The following PPP1R3A variants were observed in gnomAD, a reference collection of about 807,000 sequenced individuals.
PPP1R3A encodes protein phosphatase 1 regulatory subunit 3A.
A neutral mutation model predicts 41.7 loss-of-function variants in PPP1R3A; 29 were observed. The ratio of observed to expected loss-of-function variants is 0.70; its 90% confidence interval spans 0.52 to 0.95. The LOEUF is 0.95. Ranked by LOEUF, PPP1R3A falls within the 40% of genes least tolerant of loss-of-function variation. The pLI, the probability that PPP1R3A is intolerant of heterozygous loss-of-function variation, is 0.00. For missense variants in PPP1R3A, 1,352 were observed against 1,292.4 expected (o/e 1.05, Z -0.71); for synonymous variants, 485 against 453.4 (o/e 1.07, Z -0.89).
rs1796638171 is a variant in PPP1R3A, at chr7:113,879,321, A to G, written c.1771T>C (p.Trp591Arg). 6.2e-7 allele frequency: 1 copy of G among 1,613,442 alleles called. No homozygotes were observed. Among genetic ancestry groups the G allele is most frequent in the Non-Finnish European group, 8.5e-7 (1 of 1,179,710 alleles). Reference sequence around the variant, plus strand: ...TCTGGGGTTAACACAGCTTCTTCCCAACTTAAATTTGTCCTTGGTGAATGA... The same window carrying G: ...TCTGGGGTTAACACAGCTTCTTCCCGACTTAAATTTGTCCTTGGTGAATGA... ...VSHSPRTNLS[W>R]EEAVLTPEHH... Residue 591 changes from tryptophan to arginine, a missense_variant, in exon 4 of 4, where the codon TGG becomes CGG. Physicochemically the swap from Trp to Arg is moderately radical, Grantham distance 101. Transcript: ENST00000284601.
intron 1 of PPP1R3A, among the ~76,000 whole-genome samples, chr7:113,915,269 C>G (rs1797319539): frequency 6.6e-6 from 1 of 151,896 alleles, no homozygotes. Context: ...AAACATAATG[C>G]CTGGGTGGGT....
rs145831732 is a variant in PPP1R3A, at chr7:113,918,150, G to A, written c.782+65C>T. ...ATAGAGTCACTTTCTTACAACACATGAAATAAAGAATGACATAAAAACTTT... is the reference window on the plus strand; with the variant it reads ...ATAGAGTCACTTTCTTACAACACATAAAATAAAGAATGACATAAAAACTTT... On this transcript the variant is annotated intron_variant, in intron 1 of 3. Transcript: ENST00000284601. The A allele has an allele frequency of 4.6e-4, 655 of 1,427,124 alleles. 4 individuals carry two copies. In the Middle Eastern group the frequency reaches 5.9e-3, roughly 13 times the overall value. The allele number at this position is 1,427,124 out of a possible 1,614,324, so 88.4% of individuals were successfully genotyped here. A position where few individuals can be genotyped will look rare whatever the true frequency, so the allele number is the denominator to read the frequency against.
At position 113,880,074 on chromosome 7, in the gene PPP1R3A, T is replaced by G. The variant is rs1231193870; in HGVS notation, c.1018A>C (p.Asn340His). 9 of 1,608,970 alleles carry G rather than the reference T, an allele frequency of 5.6e-6. No individual in the cohort carries two copies. Among genetic ancestry groups the G allele is most frequent in the Admixed American group, 1.7e-5 (1 of 59,814 alleles). ...TRSTASRDER[N>H]TFSTDPVNFP... ...TTGACTGGATCTGTTGAAAATGTAT[T>G]CCTTTCATCTCTGGAAGCAGTACTT... Residue 340 changes from asparagine (N) to histidine (H), a missense_variant, in exon 4 of 4, where the codon AAT becomes CAT. Coordinates refer to ENST00000284601, the MANE Select transcript of PPP1R3A (RefSeq NM_002711.4).
intron 1 of PPP1R3A, among the ~76,000 whole-genome samples, chr7:113,898,096 GAGTAATGT>G (rs1448198109): frequency 3.9e-4 from 59 of 151,956 alleles, no homozygotes; most frequent in African/African-American, 1.4e-3. Flanking sequence ...TACCAATTCA[GAGTAATGT>G]TGGATAAAAT....
At chr7:113,904,357 T>C (rs1361976152) in intron 1 of PPP1R3A, among the ~76,000 whole-genome samples, 1 of 151,734 alleles carries the variant, frequency 6.6e-6, no homozygotes, top group Non-Finnish European at 1.5e-5. Flanking sequence ...CTGGCTCTGC[T>C]TACTACAATG....
intron 1 of PPP1R3A, among the ~76,000 whole-genome samples, chr7:113,897,769 T>C (rs184560027): frequency 6.6e-6 from 1 of 151,852 alleles, no homozygotes; most frequent in African/African-American, 2.4e-5. Context: ...AATCCTAAGA[T>C]GAAGTGAGAA....
Position 113,898,635 on chromosome 7 carries a change from C to G in PPP1R3A, c.783-16315G>C, listed in dbSNP as rs528787157. On this transcript the variant is annotated intron_variant, in intron 1 of 3. Transcript: ENST00000284601. The stretch of plus-strand genomic sequence containing the variant: ...CTGGCCTACACAAACTACAGCCTCT[C>G]AACACAAATAGTTTTGTCCTCCTCC... 1.8e-4 allele frequency among the ~76,000 whole-genome samples: 27 copies of G among 151,920 alleles called. No homozygotes were observed. In the East Asian group the frequency reaches 4.5e-3, roughly 25 times the overall value.
rs1796626478 is a variant in PPP1R3A at position 113,878,900 on chromosome 7, T to C, written c.2192A>G (p.Tyr731Cys). The change falls in exon 4 of 4, where the codon TAT becomes TGT. Residue 731 changes from tyrosine (Y) to cysteine (C), a missense_variant. Transcript: ENST00000284601. ...ACTTTCTGATGTTGTCTTAATTATA[T>C]AGGCTGTACCAGCTTCTGCTTTCTC... ...ITEKAEAGTA[Y>C]IIKTTSESTP... 2 of 1,613,004 alleles carry C rather than the reference T, an allele frequency of 1.2e-6. No homozygotes were observed. Among genetic ancestry groups the C allele is most frequent in the Non-Finnish European group, 1.7e-6 (2 of 1,179,762 alleles).
rs950112702 is a variant in PPP1R3A at position 113,877,015 on chromosome 7, C to A, written c.*708G>T. On this transcript the variant is annotated 3_prime_UTR_variant, in exon 4 of 4. Coordinates refer to ENST00000284601, the MANE Select transcript of PPP1R3A (RefSeq NM_002711.4). Reference sequence around the variant, plus strand: ...GAGAAAAGCATTGCTTAAAGACAGGCCACCCACAGAATTTTTCAGAATTGA... The same window carrying A: ...GAGAAAAGCATTGCTTAAAGACAGGACACCCACAGAATTTTTCAGAATTGA... 6.6e-6 allele frequency: 1 copy of A among 151,856 alleles called. No individual in the cohort carries two copies. Among genetic ancestry groups the A allele is most frequent in the Non-Finnish European group, 1.5e-5 (1 of 67,918 alleles). 9.4% of individuals were successfully genotyped at this position (151,856 alleles called of 1,614,324 possible). A position where few individuals can be genotyped will look rare whatever the true frequency, so the allele number is the denominator to read the frequency against.
chr7:113,896,354 T>A (rs1562922476), intron 1 of PPP1R3A, among the ~76,000 whole-genome samples: 1 of 151,716 alleles, frequency 6.6e-6, no homozygotes, highest in Non-Finnish European at 1.5e-5. Flanking sequence ...AGCTCATGGG[T>A]TTTATTTATT....
chr7:113,894,405 A>G (rs1796945622), intron 1 of PPP1R3A, among the ~76,000 whole-genome samples: 1 of 151,912 alleles, frequency 6.6e-6, no homozygotes, highest in Non-Finnish European at 1.5e-5. Flanking sequence ...AAAAAACTCA[A>G]AGTTATTGGC....
Position 113,878,138 on chromosome 7 carries a change from G to C in PPP1R3A, c.2954C>G (p.Ser985Ter). ...EVSRSSGIVT[S>*]GSRKERCIGQ... ...TATGCATCTTTCTTTTCTACTACCT[G>C]ATGTCACTATTCCTGAACTTCTGGA... is the stretch of plus-strand genomic sequence containing the variant. Residue 985 changes from serine (S) to a stop codon, truncating the protein, a stop_gained, in exon 4 of 4, where the codon TCA becomes TGA. Coordinates refer to ENST00000284601, the MANE Select transcript of PPP1R3A (RefSeq NM_002711.4). LOFTEE classifies it low-confidence loss of function (END_TRUNC). The C allele has an allele frequency of 6.2e-7, 1 of 1,613,260 alleles. No individual in the cohort carries two copies. The highest frequency in any genetic ancestry group is 8.5e-7 in the Non-Finnish European group (1 of 1,179,584).
intron 1 of PPP1R3A, among the ~76,000 whole-genome samples, chr7:113,891,648 T>G (rs547158505): frequency 6.6e-6 from 1 of 152,168 alleles, no homozygotes; most frequent in East Asian, 1.9e-4. Flanking sequence ...CCCAATTGAT[T>G]TATTCAGTGC....
At chr7:113,916,977 C>A (rs1018488489) in intron 1 of PPP1R3A, among the ~76,000 whole-genome samples, 2 of 151,938 alleles carry the variant, frequency 1.3e-5, no homozygotes, top group African/African-American at 2.4e-5. Context: ...TGAAAATAAA[C>A]ATAATATATA....
chr7:113,890,986 AC>A (rs1178473218), intron 1 of PPP1R3A, among the ~76,000 whole-genome samples: 1 of 151,136 alleles, frequency 6.6e-6, no homozygotes, highest in East Asian at 2.0e-4. Flanking sequence ...CAGAAGTCAT[AC>A]CAACCAACTA....
chr7:113,898,801 A>G (rs1584415265), intron 1 of PPP1R3A, among the ~76,000 whole-genome samples: 2 of 151,946 alleles, frequency 1.3e-5, no homozygotes, highest in South Asian at 4.1e-4. Context: ...TGTTCGTTCC[A>G]GCCAACACCT....
At position 113,918,591 on chromosome 7, in the gene PPP1R3A, G is replaced by T; in HGVS notation, c.406C>A (p.Leu136Ile). The T allele has an allele frequency of 1.9e-6, 3 of 1,613,598 alleles. No individual in the cohort carries two copies. The highest frequency in any genetic ancestry group is 1.7e-6 in the Non-Finnish European group (2 of 1,179,726). The change falls in exon 1 of 4, where the codon CTT (leucine) becomes ATT (isoleucine). Residue 136 changes from leucine (L) to isoleucine (I), a missense_variant. Leu to Ile is a conservative substitution (Grantham distance 5). Coordinates refer to ENST00000284601, the MANE Select transcript of PPP1R3A (RefSeq NM_002711.4). Reference protein sequence around the residue: ...QKAILESTESLLGSTSIKGII... With the variant: ...QKAILESTESILGSTSIKGII... ...CCCTTGATACTTGTAGACCCAAGAA[G>T]AGACTCAGTTGACTCCAGTATTGCT...
rs370060396 is a variant in PPP1R3A at position 113,878,954 on chromosome 7, A to C, written c.2138T>G (p.Leu713Arg). 1 of 1,613,242 alleles carries C rather than the reference A, an allele frequency of 6.2e-7. No individual in the cohort carries two copies. The highest frequency in any genetic ancestry group is 1.3e-5 in the African/African-American group (1 of 74,884). ...FTCQETVCCE[L>R]SSLADHGITE... is the part of the protein sequence containing the mutation. ...AATGCCATGATCAGCTAGAGAAGAC[A>C]GTTCACAGCACACTGTTTCTTGGCA... Residue 713 changes from leucine to arginine, a missense_variant, in exon 4 of 4, where the codon CTG becomes CGG. Physicochemically the swap from Leu to Arg is moderately radical, Grantham distance 102. Transcript: ENST00000284601.
intron 1 of PPP1R3A, among the ~76,000 whole-genome samples, chr7:113,886,255 C>T (rs1159826203): frequency 1.3e-5 from 2 of 152,096 alleles, no homozygotes; most frequent in African/African-American, 4.8e-5. Context: ...CCACAATTCC[C>T]ACAGTGTCAT....
Sources: gnomAD v4.1 joint callset for allele counts (sites outside exome capture counted in the v4.1 genomes callset) on GRCh38, gnomAD v4.1.1 for gene constraint, MANE v1.5 for transcripts, NCBI Gene and HGNC (gene_info 2026-07-23, HGNC 2026-07-21) for gene names.